The following COPE variants were observed in gnomAD, a reference collection of about 807,000 sequenced individuals.
COPE encodes the protein coat protein complex I subunit epsilon, also known as coatomer subunit epsilon.
A neutral mutation model predicts 42.1 loss-of-function variants in COPE; 19 were observed. That is an observed-to-expected ratio of 0.45 (90% CI 0.31 to 0.66). The LOEUF is 0.66. Among genes scored for constraint, COPE ranks in the 30% least tolerant of loss-of-function variants. The probability of loss-of-function intolerance (pLI) is 0.05; values close to 1 mark genes in which losing one functional copy is unlikely to be tolerated. For synonymous variants in COPE, 195 were observed against 181.3 expected, an observed-to-expected ratio of 1.08 and a Z score of -0.60; for missense variants, 402 against 416.1, an observed-to-expected ratio of 0.97 and a Z score of 0.30.
intron 6 of COPE, among the ~76,000 whole-genome samples, chr19:18,904,519 T>C (rs1464590202): frequency 6.6e-6 from 1 of 152,174 alleles, no homozygotes; most frequent in Non-Finnish European, 1.5e-5. Context: ...GACCCTCGAG[T>C]ACCCCTGTGC....
At chr19:18,904,648 G>A in intron 6 of COPE, 123 bp downstream of exon 6, 1 of 830,292 alleles carries the variant, frequency 1.2e-6, no homozygotes, top group Non-Finnish European at 1.9e-6. Context: ...GCTGGCAGGG[G>A]CCACGGCCTG....
chr19:18,905,153 T>C (rs1280233931), intron 5 of COPE, among the ~76,000 whole-genome samples: 1 of 151,800 alleles, frequency 6.6e-6, no homozygotes, highest in Non-Finnish European at 1.5e-5. Context: ...GGAACTACAG[T>C]GTGAACAACT....
At position 18,906,962 on chromosome 19, in the gene COPE, C is replaced by T; in HGVS notation, c.441G>A (p.Glu147=). The change falls in exon 4 of 10, where the codon GAG becomes GAA. Residue 147 remains glutamate, a splice_region_variant and synonymous_variant. Coordinates refer to ENST00000262812, the MANE Select transcript of COPE (RefSeq NM_007263.4). ...CCCAGAGCAGGGAGGCCACTCACCA[C>T]TCCAGGCTGTCCCCCTGGTGCAGCG... The part of the protein sequence containing the change: ...LRALHQGDSL[E]CTAMTVQILL... 6.4e-7 allele frequency: 1 copy of T among 1,557,272 alleles called. No homozygotes were observed. The highest frequency in any genetic ancestry group is 1.2e-5 in the South Asian group (1 of 84,720).
intron 7 of COPE, among the ~76,000 whole-genome samples, chr19:18,902,716 AAAGGAAAGG>A (rs1219860714): frequency 0.15 from 4,805 of 31,776 alleles, 969 homozygotes; most frequent in Middle Eastern, 0.29. Flanking sequence ...GAAAGGAAGG[AAAGGAAAGG>A]AAGGAAAGGA....
intron 1 of COPE, among the ~76,000 whole-genome samples, chr19:18,916,944 C>CAAAAA (rs34497308): frequency 7.6e-4 from 52 of 68,660 alleles, no homozygotes; most frequent in Admixed American, 9.3e-4. Flanking sequence ...GATCCTGTCT[C>CAAAAA]AAAAAAAAAA....
chr19:18,905,214 C>G (rs1012059714), intron 5 of COPE, among the ~76,000 whole-genome samples: 1 of 152,202 alleles, frequency 6.6e-6, no homozygotes, highest in African/African-American at 2.4e-5. Flanking sequence ...GACCCCCAGC[C>G]ATGGCCTCCG....
chr19:18,916,944 CAAAAA>C (rs34497308), intron 1 of COPE, among the ~76,000 whole-genome samples: 11 of 68,694 alleles, frequency 1.6e-4, no homozygotes, highest in Non-Finnish European at 2.4e-4. Context: ...GATCCTGTCT[CAAAAA>C]AAAAAAAAAA....
chr19:18,916,123 T>G (rs1003879151), intron 1 of COPE, among the ~76,000 whole-genome samples: 7 of 151,684 alleles, frequency 4.6e-5, no homozygotes, highest in Admixed American at 2.6e-4. Context: ...AGGCAGAGGT[T>G]GTGGTGAGCT....
chr19:18,918,664 T>G (rs972147407), intron 1 of COPE, among the ~76,000 whole-genome samples: 1 of 152,138 alleles, frequency 6.6e-6, no homozygotes, highest in African/African-American at 2.4e-5. Flanking sequence ...CCTGGGCGCA[T>G]GCGATCTGCC....
At chr19:18,905,455 C>A in intron 5 of COPE, 121 bp downstream of exon 5, 2 of 1,021,418 alleles carry the variant, frequency 2.0e-6, no homozygotes, top group South Asian at 3.5e-5. Flanking sequence ...AAGCCACCCC[C>A]ATGGAAAGGA....
chr19:18,902,985 T>C (rs1045751186), intron 7 of COPE, among the ~76,000 whole-genome samples: 2 of 151,648 alleles, frequency 1.3e-5, no homozygotes, highest in Admixed American at 1.3e-4. Context: ...GGGGTCCCAC[T>C]TGCAGGTCCC....
intron 3 of COPE, 113 bp downstream of exon 3, chr19:18,910,857 TA>T: frequency 1.1e-6 from 1 of 883,576 alleles, no homozygotes; most frequent in Non-Finnish European, 1.8e-6. Flanking sequence ...GAGAGGCGCC[TA>T]ATCTGAGGGA....
At chr19:18,912,961 C>T (rs756502021) in intron 2 of COPE, 23 bp downstream of exon 2, 1 of 1,610,318 alleles carries the variant, frequency 6.2e-7, no homozygotes, top group Non-Finnish European at 8.5e-7. Context: ...TCACTCTTGC[C>T]CCCGGCCAAG....
chr19:18,917,591 A>G (rs972562114), intron 1 of COPE, among the ~76,000 whole-genome samples: 1 of 151,706 alleles, frequency 6.6e-6, no homozygotes, highest in African/African-American at 2.4e-5. Context: ...CTGGTCTCGA[A>G]CTCCTGACCT....
At position 18,899,894 on chromosome 19, in the gene COPE, G is replaced by A. The variant is rs970505275; in HGVS notation, c.858C>T (p.Phe286=). The A allele has an allele frequency of 8.1e-6, 13 of 1,613,530 alleles. No homozygotes were observed. Among genetic ancestry groups the A allele is most frequent in the Non-Finnish European group, 9.3e-6 (11 of 1,179,828 alleles). The change falls in exon 9 of 10, where the codon TTC becomes TTT. Residue 286 remains phenylalanine, a synonymous_variant. Transcript: ENST00000262812. The part of the protein sequence containing the change: ...QLKDAHRSHP[F]IKEYQAKEND... ...TCACCTTGGCCTGGTACTCCTTGATGAAGGGATGGGACCTGTGGGCATCCT... is the reference window on the plus strand; with the variant it reads ...TCACCTTGGCCTGGTACTCCTTGATAAAGGGATGGGACCTGTGGGCATCCT...
chr19:18,919,218 C>G lies in COPE; in HGVS notation c.126+5G>C, dbSNP rs747766729. ...CAGCGTCCCCGCGCCCCTGCGCGGC[C>G]GCACCTTCACCCGCTGCGCCTCGTT... On this transcript the variant is annotated splice_donor_5th_base_variant and intron_variant, in intron 1 of 9. Coordinates refer to ENST00000262812, the MANE Select transcript of COPE (RefSeq NM_007263.4). 6.2e-7 allele frequency: 1 copy of G among 1,609,144 alleles called. No homozygotes were observed. The highest frequency in any genetic ancestry group is 8.5e-7 in the Non-Finnish European group (1 of 1,177,416).
chr19:18,906,071 G>C (rs1029574509), intron 4 of COPE: 1 of 402,166 alleles, frequency 2.5e-6, no homozygotes, highest in Non-Finnish European at 4.4e-6. Flanking sequence ...CTCAGCCCCA[G>C]GTGGCTGTGA....
At position 18,903,268 on chromosome 19, in the gene COPE, C is replaced by A; in HGVS notation, c.735G>T (p.Lys245Asn). 6.3e-7 allele frequency: 1 copy of A among 1,585,812 alleles called. No individual in the cohort carries two copies. The highest frequency in any genetic ancestry group is 8.6e-7 in the Non-Finnish European group (1 of 1,166,242). ...AEGLLQEALDKDSGYPETLVN... is the reference protein window; with the variant it reads ...AEGLLQEALDNDSGYPETLVN... ...CACTCTGGGACAGGCTTGTGCCTACCTTGTCTAGCGCCTCCTGCAGCAGGC... is the reference window on the plus strand; with the variant it reads ...CACTCTGGGACAGGCTTGTGCCTACATTGTCTAGCGCCTCCTGCAGCAGGC... The change falls in exon 7 of 10, where the codon AAG becomes AAT. Residue 245 changes from lysine (K) to asparagine (N), a missense_variant and splice_region_variant. Coordinates refer to ENST00000262812, the MANE Select transcript of COPE (RefSeq NM_007263.4).
In COPE at chr19:18,900,447, A is replaced by G. The variant is rs199884256; in HGVS notation, c.738T>C (p.Asp246=). The G allele has an allele frequency of 1.9e-5, 30 of 1,547,738 alleles. No homozygotes were observed. The East Asian group carries it at 5.6e-4, about 29-fold the overall frequency. Residue 246 remains aspartate (D), a splice_region_variant and synonymous_variant, in exon 8 of 10, where the codon GAT becomes GAC. Transcript: ENST00000262812. ...TGACCAGCGTCTCTGGGTAGCCACT[A>G]TCCTGGAGACACAGGCAGACACGGG... is the stretch of plus-strand genomic sequence containing the variant. ...EGLLQEALDK[D]SGYPETLVNL... is the part of the protein sequence containing the mutation.
Sources: gnomAD v4.1 joint callset for allele counts (sites outside exome capture counted in the v4.1 genomes callset) on GRCh38, gnomAD v4.1.1 for gene constraint, MANE v1.5 for transcripts, NCBI Gene and HGNC (gene_info 2026-07-23, HGNC 2026-07-21) for gene names.